The following BRD8 variants were observed in gnomAD, a reference collection of about 807,000 sequenced individuals.
BRD8 encodes the protein bromodomain containing 8.
BRD8 carries 67 observed loss-of-function variants against 143.1 expected under a neutral mutation model. The observed-to-expected ratio is 0.47, with a 90% CI of 0.38 to 0.57. The LOEUF is 0.57. Among genes scored for constraint, BRD8 ranks in the 20% least tolerant of loss-of-function variants. BRD8 has a pLI of 0.00. For missense variants in BRD8, 1,103 were observed against 1,503.0 expected (o/e 0.73, Z 4.40); for synonymous variants, 505 against 517.1 (o/e 0.98, Z 0.32).
In BRD8 at chr5:138,168,483, G is replaced by C. The variant is rs1473366843; in HGVS notation, c.643-405C>G. 13 of 1,604,988 alleles carry C rather than the reference G, an allele frequency of 8.1e-6. No individual in the cohort carries two copies. In the East Asian group the frequency reaches 2.9e-4, roughly 36 times the overall value. On this transcript the variant is annotated intron_variant, in intron 8 of 26. Transcript: ENST00000254900. Reference sequence around the variant, plus strand: ...AAGTCTCCATACCAGTCTGGGGCTAGTAGGCAGGAGGCTGCCCTTCTTCAA... The same window carrying C: ...AAGTCTCCATACCAGTCTGGGGCTACTAGGCAGGAGGCTGCCCTTCTTCAA...
At chr5:138,173,252 G>A (rs946144826) in intron 2 of BRD8, among the ~76,000 whole-genome samples, 2 of 151,950 alleles carry the variant, frequency 1.3e-5, no homozygotes, top group Non-Finnish European at 2.9e-5. Flanking sequence ...ACAAAAATTA[G>A]CCAGGCATGG....
At chr5:138,172,016 C>T in intron 3 of BRD8, 49 bp downstream of exon 3, 1 of 1,461,736 alleles carries the variant, frequency 6.8e-7, no homozygotes, top group South Asian at 1.1e-5. Flanking sequence ...AGAGAACCTA[C>T]TTTACAACCC....
rs1197639650 is a variant in BRD8, at chr5:138,165,802, T to G, written c.1278+26A>C. ...GAAGCCTATGTAGGACCCATGAGATTCTCTGGGGCTTCGCTGAATAGTTAC... is the reference window on the plus strand; with the variant it reads ...GAAGCCTATGTAGGACCCATGAGATGCTCTGGGGCTTCGCTGAATAGTTAC... On this transcript the variant is annotated intron_variant, in intron 11 of 26. Coordinates refer to ENST00000254900, the MANE Select transcript of BRD8 (RefSeq NM_139199.2). 4 of 1,600,682 alleles carry G rather than the reference T, an allele frequency of 2.5e-6. No individual in the cohort carries two copies. In the African/African-American group the frequency reaches 4.0e-5, roughly 16 times the overall value.
At position 138,140,058 on chromosome 5, in the gene BRD8, G is replaced by A; in HGVS notation, c.*16C>T. The A allele has an allele frequency of 6.3e-7, 1 of 1,596,746 alleles. No homozygotes were observed. Among genetic ancestry groups the A allele is most frequent in the East Asian group, 2.2e-5 (1 of 44,792 alleles). On this transcript the variant is annotated 3_prime_UTR_variant, in exon 27 of 27. Coordinates refer to ENST00000254900, the MANE Select transcript of BRD8 (RefSeq NM_139199.2). ...GAGATTCAAACTCTAGAAAAAGTCA[G>A]GATAGCAGCTCCAGGTTAGAAAACA...
In BRD8 at chr5:138,160,913, C is replaced by T; in HGVS notation, c.2405G>A (p.Arg802Gln). Residue 802 changes from arginine to glutamine, a missense_variant, in exon 18 of 27, where the codon CGA becomes CAA. By Grantham distance (43) the Arg-to-Gln change is conservative. Transcript: ENST00000254900. Reference protein sequence around the residue: ...DVYHMAVEMQRDVLEQIQQFL... With the variant: ...DVYHMAVEMQQDVLEQIQQFL... Reference sequence around the variant, plus strand: ...TACCTGGATCTGTTCCAAGACATCTCGCTGCATCTCCACTGCCATGTGATA... The same window carrying T: ...TACCTGGATCTGTTCCAAGACATCTTGCTGCATCTCCACTGCCATGTGATA... 2 of 1,609,212 alleles carry T rather than the reference C, an allele frequency of 1.2e-6. No individual in the cohort carries two copies. The highest frequency in any genetic ancestry group is 8.5e-7 in the Non-Finnish European group (1 of 1,177,876).
chr5:138,149,758 C>A lies in BRD8; in HGVS notation c.3160G>T (p.Glu1054Ter), dbSNP rs377665713. ...TCTTCCATCTCTGACACATATACTTCACCCTGGTCCTCCCCTTTGGATTCT... is the reference window on the plus strand; with the variant it reads ...TCTTCCATCTCTGACACATATACTTAACCCTGGTCCTCCCCTTTGGATTCT... Reference protein sequence around the residue: ...QQESKGEDQGEVYVSEMEDQP... With the variant: ...QQESKGEDQG The change falls in exon 23 of 27, where the codon GAA becomes TAA. Residue 1054 changes from glutamate to a stop codon, truncating the protein, a stop_gained. Transcript: ENST00000254900. LOFTEE classifies it high-confidence loss of function. The A allele has an allele frequency of 1.1e-5, 18 of 1,612,564 alleles. No homozygotes were observed. The African/African-American group carries it at 2.4e-4, about 22-fold the overall frequency.
chr5:138,148,170 A>G (rs1404737210), intron 23 of BRD8, among the ~76,000 whole-genome samples: 1 of 150,314 alleles, frequency 6.7e-6, no homozygotes, highest in African/African-American at 2.5e-5. Context: ...AAAAAAAAAA[A>G]AAAAAAGAAA....
At chr5:138,175,758 A>C (rs1429570760) in intron 2 of BRD8, among the ~76,000 whole-genome samples, 2 of 151,088 alleles carry the variant, frequency 1.3e-5, no homozygotes, top group Non-Finnish European at 2.9e-5. Context: ...ACCAAAAAAT[A>C]CAAAAATTAG....
chr5:138,165,793 C>CCATGAGATTCT, intron 11 of BRD8, 35 bp downstream of exon 11: 1 of 1,594,382 alleles, frequency 6.3e-7, no homozygotes, highest in African/African-American at 1.3e-5. Flanking sequence ...TATGTAGGAC[C>CCATGAGATTCT]CATGAGATTC....
intron 2 of BRD8, among the ~76,000 whole-genome samples, chr5:138,173,544 C>T (rs1210179531): frequency 6.7e-6 from 1 of 148,766 alleles, no homozygotes; most frequent in Admixed American, 6.7e-5. Context: ...GATGTGTATA[C>T]ACACACACAC....
At position 138,143,720 on chromosome 5, in the gene BRD8, G is replaced by A. The variant is rs1362021734; in HGVS notation, c.3437+1457C>T. Among the ~76,000 whole-genome samples the A allele has an allele frequency of 2.6e-5, 4 of 152,068 alleles. 1 individual carries two copies. Among genetic ancestry groups the A allele is most frequent in the South Asian group, 2.1e-4 (1 of 4,810 alleles). On this transcript the variant is annotated intron_variant, in intron 25 of 26. Coordinates refer to ENST00000254900, the MANE Select transcript of BRD8 (RefSeq NM_139199.2). ...TTGTAAATGCACCAATCAGCGCTCT[G>A]TGTCTAGCTAAAGCTTTGTAAATGC...
At chr5:138,172,009 G>A (rs1346551974) in intron 3 of BRD8, 56 bp downstream of exon 3, 1 of 1,342,540 alleles carries the variant, frequency 7.4e-7, no homozygotes, top group Non-Finnish European at 1.1e-6. Flanking sequence ...GCCTGGTAGA[G>A]AACCTACTTT....
chr5:138,165,741 A>AAAAAAAAAAAAAAAAAAAAC (rs1753358339), intron 11 of BRD8, 87 bp downstream of exon 11: 1 of 1,402,960 alleles, frequency 7.1e-7, no homozygotes, highest in African/African-American at 1.5e-5. Context: ...AAAAAAAAAA[A>AAAAAAAAAAAAAAAAAAAAC]AAAGCAGCAG....
chr5:138,168,228 A>C, intron 8 of BRD8, 150 bp from the exon 9 acceptor site: 1 of 693,164 alleles, frequency 1.4e-6, no homozygotes, highest in Non-Finnish European at 2.4e-6. Context: ...ACTCTAAACT[A>C]TAATGTTCAA....
chr5:138,177,529 A>G (rs768274439), intron 2 of BRD8, 42 bp downstream of exon 2: 1 of 1,208,562 alleles, frequency 8.3e-7, no homozygotes, highest in East Asian at 2.3e-5. Context: ...AGTATCTAAC[A>G]ATTTCTAAGA....
Position 138,164,420 on chromosome 5 carries a change from A to T in BRD8, c.1732-7T>A. ...ACATGCTTTCAGGGGATGCCTGAAA[A>T]CCAGAAAAGAAAAAACACCCTAAGT... On this transcript the variant is annotated splice_region_variant and splice_polypyrimidine_tract_variant and intron_variant, in intron 12 of 26. Transcript: ENST00000254900. 6.2e-7 allele frequency: 1 copy of T among 1,613,106 alleles called. No homozygotes were observed. The highest frequency in any genetic ancestry group is 8.5e-7 in the Non-Finnish European group (1 of 1,179,138).
At chr5:138,147,660 G>C (rs1752207193) in intron 23 of BRD8, among the ~76,000 whole-genome samples, 1 of 152,216 alleles carries the variant, frequency 6.6e-6, no homozygotes, top group African/African-American at 2.4e-5. Context: ...CTTCATGCCA[G>C]ATGCAGTAGT....
At position 138,140,183 on chromosome 5, in the gene BRD8, C is replaced by T. The variant is rs1482511212; in HGVS notation, c.3616-17G>A. ...ATTCAGTACCTAAAGGGTTAAGGAA[C>T]ACATAGCAAGCTATTATGAACCTTA... On this transcript the variant is annotated splice_polypyrimidine_tract_variant and intron_variant, in intron 26 of 26. Transcript: ENST00000254900. 3 of 1,565,720 alleles carry T rather than the reference C, an allele frequency of 1.9e-6. No homozygotes were observed. The highest frequency in any genetic ancestry group is 2.6e-6 in the Non-Finnish European group (3 of 1,136,600).
intron 14 of BRD8, 107 bp downstream of exon 14, chr5:138,163,980 T>A (rs1753204974): frequency 2.2e-6 from 3 of 1,335,202 alleles, no homozygotes; most frequent in Non-Finnish European, 3.2e-6. Context: ...TCCATACCAG[T>A]CTCTTATCAG....
Sources: gnomAD v4.1 joint callset for allele counts (sites outside exome capture counted in the v4.1 genomes callset) on GRCh38, gnomAD v4.1.1 for gene constraint, MANE v1.5 for transcripts, NCBI Gene and HGNC (gene_info 2026-07-23, HGNC 2026-07-21) for gene names.